Variants in SLC35F4 observed in about 807,000 individuals in gnomAD.
The protein encoded by SLC35F4 is chromosome 14 open reading frame 36.
In SLC35F4, 24 loss-of-function variants were observed where a neutral mutation model predicts 44.2. That is an observed-to-expected ratio of 0.54 (90% CI 0.39 to 0.76). SLC35F4 has a LOEUF of 0.76. Ranked by LOEUF, SLC35F4 falls within the 30% of genes least tolerant of loss-of-function variation. SLC35F4 has a pLI of 0.00. For missense variants in SLC35F4, 562 were observed against 586.1 expected (o/e 0.96, Z 0.42); for synonymous variants, 238 against 223.6 (o/e 1.06, Z -0.57).
At chr14:57,797,017 T>C (rs1274475928) in intron 1 of SLC35F4, among the ~76,000 whole-genome samples, 1 of 152,216 alleles carries the variant, frequency 6.6e-6, no homozygotes, top group Non-Finnish European at 1.5e-5. Context: ...CAGCTAAAAC[T>C]TTCTAATTTC....
downstream of SLC35F4, among the ~76,000 whole-genome samples, chr14:57,975,124 G>A (rs1302011210): frequency 1.3e-5 from 2 of 152,194 alleles, no homozygotes; most frequent in East Asian, 3.9e-4. Context: ...AGTCACAGGA[G>A]TTTATTACAT....
Position 57,810,135 on chromosome 14 carries a change from T to A in SLC35F4, c.103+55588A>T, listed in dbSNP as rs181098082. Among the ~76,000 whole-genome samples, 5 of 152,310 alleles carry A rather than the reference T, an allele frequency of 3.3e-5. No individual in the cohort carries two copies. The East Asian group carries it at 9.6e-4, about 29-fold the overall frequency. On this transcript the variant is annotated intron_variant, in intron 1 of 7. Transcript: ENST00000556826. Reference sequence around the variant, plus strand: ...TCATTCAAGTTGAGACTTCTCCCTGTCACATGCCCCTCCTCCATCCTGAGC... The same window carrying A: ...TCATTCAAGTTGAGACTTCTCCCTGACACATGCCCCTCCTCCATCCTGAGC...
In SLC35F4 at chr14:57,566,556, T is replaced by G. The variant is rs747934027; in HGVS notation, c.1135A>C (p.Ile379Leu). ...GMAGLWLAFNILVNVGVVLTY... is the reference protein window; with the variant it reads ...GMAGLWLAFNLLVNVGVVLTY... ...AGCACCACCCCAACATTCACCAGGA[T>G]GTTGAAGGCTGTAAAATAGAGGAGG... is the stretch of plus-strand genomic sequence containing the variant. The change falls in exon 7 of 8, where the codon ATC (isoleucine) becomes CTC (leucine). Residue 379 changes from isoleucine (I) to leucine (L), a missense_variant. Transcript: ENST00000556826. 9.4e-6 allele frequency: 15 copies of G among 1,596,726 alleles called. 1 individual carries two copies. In the African/African-American group the frequency reaches 2.0e-4, roughly 21 times the overall value.
At chr14:57,617,709 T>C (rs1221321154) in intron 1 of SLC35F4, among the ~76,000 whole-genome samples, 2 of 152,084 alleles carry the variant, frequency 1.3e-5, no homozygotes, top group Non-Finnish European at 2.9e-5. Flanking sequence ...AGTGGGTCTG[T>C]ATGAGTCATG....
chr14:57,649,894 C>A (rs2073712675), intron 1 of SLC35F4, among the ~76,000 whole-genome samples: 2 of 152,120 alleles, frequency 1.3e-5, no homozygotes, highest in Admixed American at 1.3e-4. Context: ...AGAAACACTA[C>A]CTGTGCCCTG....
chr14:57,901,568 T>C (rs1374420939), intron 1 of SLC35F4, among the ~76,000 whole-genome samples: 1 of 152,084 alleles, frequency 6.6e-6, no homozygotes, highest in African/African-American at 2.4e-5. Flanking sequence ...GAATAGCTAA[T>C]GGATGCTGGG....
chr14:57,566,803 G>A (rs1211822288), intron 6 of SLC35F4, among the ~76,000 whole-genome samples: 1 of 152,146 alleles, frequency 6.6e-6, no homozygotes, highest in Non-Finnish European at 1.5e-5. Context: ...AAGGTATATG[G>A]ACAAATACAA....
chr14:57,735,710 T>C (rs1279574416), intron 1 of SLC35F4, among the ~76,000 whole-genome samples: 4 of 148,762 alleles, frequency 2.7e-5, no homozygotes, highest in Admixed American at 6.7e-5. Flanking sequence ...AACTCCAACA[T>C]AGCCACCCCC....
chr14:57,723,902 G>C (rs1385621165), intron 1 of SLC35F4, among the ~76,000 whole-genome samples: 1 of 152,148 alleles, frequency 6.6e-6, no homozygotes, highest in Non-Finnish European at 1.5e-5. Flanking sequence ...GTGTGCCAGA[G>C]GATGGGAAAT....
intron 1 of SLC35F4, among the ~76,000 whole-genome samples, chr14:57,843,430 G>A (rs1885687739): frequency 6.6e-6 from 1 of 152,114 alleles, no homozygotes; most frequent in Non-Finnish European, 1.5e-5. Flanking sequence ...GGCTGGTGGA[G>A]GAAAGTTTTA....
At chr14:57,706,193 A>T (rs928353436) in intron 1 of SLC35F4, among the ~76,000 whole-genome samples, 14 of 152,180 alleles carry the variant, frequency 9.2e-5, no homozygotes, top group Admixed American at 7.9e-4. Flanking sequence ...TATTACAGAG[A>T]TTATGTCTGT....
chr14:57,925,586 G>A (rs1388998298), intron 1 of SLC35F4, among the ~76,000 whole-genome samples: 2 of 149,850 alleles, frequency 1.3e-5, no homozygotes, highest in African/African-American at 4.9e-5. Flanking sequence ...GAGTCCTGGA[G>A]TAAATAGAAT....
At chr14:57,653,022 C>T (rs981911010) in intron 1 of SLC35F4, among the ~76,000 whole-genome samples, 1 of 152,146 alleles carries the variant, frequency 6.6e-6, no homozygotes, top group Non-Finnish European at 1.5e-5. Flanking sequence ...GAGTAATCTG[C>T]TTAGGTTACA....
chr14:57,689,826 C>T (rs1370219577), intron 1 of SLC35F4, among the ~76,000 whole-genome samples: 3 of 151,624 alleles, frequency 2.0e-5, no homozygotes, highest in East Asian at 1.9e-4. Context: ...ATATGGCACA[C>T]GTATACATAT....
intron 1 of SLC35F4, among the ~76,000 whole-genome samples, chr14:57,770,611 G>A (rs997001518): frequency 6.6e-6 from 1 of 152,114 alleles, no homozygotes; most frequent in Non-Finnish European, 1.5e-5. Context: ...CTCTTCCTTG[G>A]GAGCTCTCCA....
At chr14:57,805,569 T>C (rs1379117807) in intron 1 of SLC35F4, among the ~76,000 whole-genome samples, 1 of 152,068 alleles carries the variant, frequency 6.6e-6, no homozygotes, top group Non-Finnish European at 1.5e-5. Flanking sequence ...AGCTGAATGA[T>C]GAGAACACAT....
chr14:57,820,775 T>A (rs1595140420), intron 1 of SLC35F4, among the ~76,000 whole-genome samples: 1 of 152,316 alleles, frequency 6.6e-6, no homozygotes, highest in Middle Eastern at 3.4e-3. Context: ...GACAAGGCAC[T>A]GCTTCTATAA....
chr14:57,802,926 CCTT>C (rs1175000539), intron 1 of SLC35F4, among the ~76,000 whole-genome samples: 3 of 150,008 alleles, frequency 2.0e-5, no homozygotes, highest in Non-Finnish European at 4.4e-5. Flanking sequence ...AGGAAGGACT[CCTT>C]CTTAACTCAT....
chr14:57,573,986 T>C (rs1195189312), intron 4 of SLC35F4, among the ~76,000 whole-genome samples: 1 of 152,216 alleles, frequency 6.6e-6, no homozygotes, highest in Non-Finnish European at 1.5e-5. Flanking sequence ...TTAAAAGCAT[T>C]CTATAATACA....
Sources: gnomAD v4.1 joint callset for allele counts (sites outside exome capture counted in the v4.1 genomes callset) on GRCh38, gnomAD v4.1.1 for gene constraint, MANE v1.5 for transcripts, NCBI Gene and HGNC (gene_info 2026-07-23, HGNC 2026-07-21) for gene names.